Variants in ZNF550 observed in about 807,000 individuals in gnomAD.
ZNF550 encodes zinc finger protein 550.
In ZNF550, 42 loss-of-function variants were observed where a neutral mutation model predicts 40.2. The ratio of observed to expected loss-of-function variants is 1.05; its 90% CI spans 0.82 to 1.35. The LOEUF is 1.35. Among genes scored for constraint, ZNF550 ranks in the 40% most tolerant of loss-of-function variants. The probability of loss-of-function intolerance (pLI) is 0.00; values close to 1 mark genes in which losing one functional copy is unlikely to be tolerated. For missense variants in ZNF550, 549 were observed against 525.2 expected (o/e 1.05, Z -0.44); for synonymous variants, 223 against 198.6 (o/e 1.12, Z -1.03).
At chr19:57,543,141 T>G in exon 5 of ZNF550, 2 of 647,952 alleles carry the variant, frequency 3.1e-6, no homozygotes, top group Non-Finnish European at 1.9e-6. Context: ...CTTCTGGTGC[T>G]TTCCTTCTTG....
At chr19:57,547,233 G>T in exon 4 of ZNF550, 3 of 1,614,168 alleles carry the variant, frequency 1.9e-6, no homozygotes, top group South Asian at 2.2e-5. Flanking sequence ...TCTCTCCAGT[G>T]TGGATGATGT....
At chr19:57,544,286 G>C (rs1412115300) in intron 4 of ZNF550, 2 of 985,316 alleles carry the variant, frequency 2.0e-6, no homozygotes, top group Non-Finnish European at 2.4e-6. Context: ...ACACTTCAGT[G>C]AAGACTGTAT....
Position 57,547,332 on chromosome 19 carries a change from G to A in ZNF550, c.912C>T (p.Arg304=), listed in dbSNP as rs529088716. Residue 304 remains arginine (R), a synonymous_variant, in exon 4 of 5, where the codon CGC becomes CGT. Coordinates refer to ENST00000457177, the Ensembl canonical transcript of ZNF550. ...TTTCTCCAGTGTGGGTCCTATTATG[G>A]CGAATAAAAGTAGACCGGTGGGTGA... The A allele has an allele frequency of 8.7e-6, 14 of 1,613,834 alleles. No individual in the cohort carries two copies. The East Asian group carries it at 1.1e-4, about 13-fold the overall frequency.
At position 57,543,090 on chromosome 19, in the gene ZNF550, T is replaced by A. The variant is rs138964891; in HGVS notation, c.*672A>T. 75 of 261,944 alleles carry A rather than the reference T, an allele frequency of 2.9e-4. No individual in the cohort carries two copies. The East Asian group carries it at 0.013, about 45-fold the overall frequency. 16.2% of individuals were successfully genotyped at this position (261,944 alleles called of 1,614,324 possible). Reference sequence around the variant, plus strand: ...TAATTCCCTACACTCTTCTGATCACTCTGTTGTTCACATTCATTTTAGGAT... The same window carrying A: ...TAATTCCCTACACTCTTCTGATCACACTGTTGTTCACATTCATTTTAGGAT... On this transcript the variant is annotated 3_prime_UTR_variant, in exon 5 of 5. Coordinates refer to ENST00000457177, the Ensembl canonical transcript of ZNF550.
exon 4 of ZNF550, chr19:57,547,367 G>C: frequency 1.2e-6 from 2 of 1,612,114 alleles, no homozygotes; most frequent in Non-Finnish European, 1.7e-6. Context: ...AAGGCCTTTC[G>C]ACATTGACTA....
At position 57,543,516 on chromosome 19, in the gene ZNF550, G is replaced by A. The variant is rs977711721; in HGVS notation, c.*519-273C>T. The A allele has an allele frequency of 1.1e-5, 8 of 706,706 alleles. No homozygotes were observed. The Admixed American group carries it at 5.0e-4, about 44-fold the overall frequency. 43.8% of individuals were successfully genotyped at this position (706,706 alleles called of 1,614,324 possible). On this transcript the variant is annotated intron_variant, in intron 4 of 4. Coordinates refer to ENST00000457177, the Ensembl canonical transcript of ZNF550. Reference sequence around the variant, plus strand: ...ATTTACTGATTGAAGTGCACCAACTGTGAATGGTCATAACTAGTCCCACCC... The same window carrying A: ...ATTTACTGATTGAAGTGCACCAACTATGAATGGTCATAACTAGTCCCACCC...
At chr19:57,548,016 G>A in intron 3 of ZNF550, 23 bp from the exon 4 acceptor site, 1 of 1,593,400 alleles carries the variant, frequency 6.3e-7, no homozygotes, top group South Asian at 1.1e-5. Flanking sequence ...AACAAACAAA[G>A]GAGGGGTCTT....
exon 4 of ZNF550, chr19:57,547,456 T>C (rs773288567): frequency 7.4e-6 from 12 of 1,614,088 alleles, no homozygotes; most frequent in Non-Finnish European, 1.0e-5. Flanking sequence ...CTTCCCACAC[T>C]CAAGGCACTT....
exon 4 of ZNF550, chr19:57,547,933 C>A: frequency 6.2e-7 from 1 of 1,614,104 alleles, no homozygotes; most frequent in Non-Finnish European, 8.5e-7. Context: ...GAGAAAGGCC[C>A]GCTCAGATAA....
At chr19:57,543,858 A>G in intron 4 of ZNF550, 2 of 632,098 alleles carry the variant, frequency 3.2e-6, no homozygotes, top group Non-Finnish European at 3.9e-6. Context: ...GAATCCCTTG[A>G]ACTCGGGAGG....
intron 3 of ZNF550, among the ~76,000 whole-genome samples, chr19:57,550,032 T>C (rs1044584072): frequency 6.6e-6 from 1 of 152,146 alleles, no homozygotes; most frequent in Non-Finnish European, 1.5e-5. Flanking sequence ...CAAGTGTTCA[T>C]TAAATTGTGG....
chr19:57,544,635 A>C, intron 4 of ZNF550: 1 of 984,476 alleles, frequency 1.0e-6, no homozygotes, highest in Non-Finnish European at 1.2e-6. Context: ...TCTATTTATA[A>C]TATGTGCAAA....
chr19:57,559,813 G>C (rs2090155829), exon 1 of ZNF550: 1 of 780,190 alleles, frequency 1.3e-6, no homozygotes, highest in African/African-American at 1.8e-5. Flanking sequence ...CTGAGAGCGC[G>C]GACCAACACG....
intron 3 of ZNF550, among the ~76,000 whole-genome samples, chr19:57,548,780 A>T (rs2090047363): frequency 6.6e-6 from 1 of 152,226 alleles, no homozygotes; most frequent in South Asian, 2.1e-4. Flanking sequence ...CTGCACTACC[A>T]TGTTTACTGC....
intron 3 of ZNF550, among the ~76,000 whole-genome samples, chr19:57,551,412 G>A (rs1045315719): frequency 3.9e-5 from 6 of 152,016 alleles, no homozygotes; most frequent in African/African-American, 1.4e-4. Context: ...AGAAGATTAT[G>A]AGAGCCCGGA....
chr19:57,546,251 C>G (rs1370298568), intron 4 of ZNF550, among the ~76,000 whole-genome samples: 4 of 152,064 alleles, frequency 2.6e-5, no homozygotes, highest in Non-Finnish European at 4.4e-5. Flanking sequence ...CATGGATATC[C>G]TCCCAGAGAT....
chr19:57,543,953 A>T, intron 4 of ZNF550: 1 of 985,158 alleles, frequency 1.0e-6, no homozygotes, highest in Non-Finnish European at 1.2e-6. Flanking sequence ...ACAAAACAAA[A>T]AACATGTTTT....
chr19:57,547,238 TG>T lies in ZNF550; in HGVS notation c.1005del (p.Ile336SerfsTer95). 6.2e-7 allele frequency: 1 copy of T among 1,614,140 alleles called. No individual in the cohort carries two copies. On this transcript the variant is annotated frameshift_variant, in exon 4 of 5. Transcript: ENST00000457177. LOFTEE classifies it high-confidence loss of function. The stretch of plus-strand genomic sequence containing the variant: ...TCATAGGGCTTCTCTCCAGTGTGGA[TG>T]ATGTAATGTTGAATTAGGTGGGCTC...
intron 3 of ZNF550, among the ~76,000 whole-genome samples, chr19:57,549,215 G>A (rs2090051000): frequency 6.6e-6 from 1 of 152,202 alleles, no homozygotes; most frequent in Non-Finnish European, 1.5e-5. Context: ...TGAGGTGACA[G>A]ATACTTCCTT....
Sources: gnomAD v4.1 joint callset for allele counts (sites outside exome capture counted in the v4.1 genomes callset) on GRCh38, gnomAD v4.1.1 for gene constraint, MANE v1.5 for transcripts, NCBI Gene and HGNC (gene_info 2026-07-23, HGNC 2026-07-21) for gene names.